The following RFX2 variants were observed in gnomAD, a reference collection of about 807,000 sequenced individuals.
RFX2 encodes the protein DNA-binding protein RFX2.
A neutral mutation model predicts 87.8 loss-of-function variants in RFX2; 20 were observed. The ratio of observed to expected loss-of-function variants is 0.23; its 90% CI spans 0.16 to 0.33. The LOEUF is 0.33. Among genes scored for constraint, RFX2 ranks in the 10% least tolerant of loss-of-function variants. RFX2 has a pLI of 1.00. For missense variants in RFX2, 767 were observed against 1,012.3 expected, an observed-to-expected ratio of 0.76 and a Z score of 3.29; for synonymous variants, 397 against 431.3, an observed-to-expected ratio of 0.92 and a Z score of 0.98.
intron 1 of RFX2, among the ~76,000 whole-genome samples, chr19:6,095,767 G>A (rs540622425): frequency 3.3e-5 from 5 of 152,266 alleles, no homozygotes; most frequent in South Asian, 4.1e-4. Context: ...GGAAACTACC[G>A]CCCACCACCC....
rs558560504 is a variant in RFX2 at position 6,071,210 on chromosome 19, G to A, written c.-8-23706C>T. 2.0e-5 allele frequency among the ~76,000 whole-genome samples: 3 copies of A among 152,222 alleles called. No homozygotes were observed. The East Asian group carries it at 5.8e-4, about 29-fold the overall frequency. On this transcript the variant is annotated intron_variant, in intron 1 of 17. Transcript: ENST00000303657. ...AAAAATGCATTTCTTGCTAAGTCATGCTCGAATTATGCAAGATTGCAAGGA... is the reference window on the plus strand; with the variant it reads ...AAAAATGCATTTCTTGCTAAGTCATACTCGAATTATGCAAGATTGCAAGGA...
At position 6,040,976 on chromosome 19, in the gene RFX2, C is replaced by T. The variant is rs371277525; in HGVS notation, c.261-735G>A. The stretch of plus-strand genomic sequence containing the variant: ...GCCACATGTACTCCACATGCAAGCA[C>T]ACACGCAAAAGCACGTGCATACAGA... On this transcript the variant is annotated intron_variant, in intron 4 of 17. Transcript: ENST00000303657. This position sits in a 1 kb window ranked among gnomAD's most constrained non-coding sequence, Gnocchi z 6.1. 1.6e-4 allele frequency among the ~76,000 whole-genome samples: 24 copies of T among 152,158 alleles called. No homozygotes were observed. Among genetic ancestry groups the T allele is most frequent in the African/African-American group, 5.8e-4 (24 of 41,418 alleles).
intron 15 of RFX2, among the ~76,000 whole-genome samples, chr19:6,000,363 T>C (rs933109185): frequency 6.6e-6 from 1 of 152,242 alleles, no homozygotes; most frequent in African/African-American, 2.4e-5. Context: ...TTTGTTTGCA[T>C]TGACAGCTGT....
intron 9 of RFX2, among the ~76,000 whole-genome samples, chr19:6,009,642 C>A (rs942283638): frequency 3.3e-5 from 5 of 152,000 alleles, no homozygotes; most frequent in Admixed American, 1.3e-4. Context: ...AGAGTAGTGG[C>A]GTGATCATGG....
At chr19:5,996,600 G>A (rs1000833690) in intron 16 of RFX2, among the ~76,000 whole-genome samples, 2 of 152,238 alleles carry the variant, frequency 1.3e-5, no homozygotes, top group African/African-American at 4.8e-5. Flanking sequence ...TTGGGGTGAC[G>A]GAATGTTCTG....
rs2086808589 is a variant in RFX2, at chr19:6,021,378, A to C, written c.597+4785T>G. ...GTCCGTTCTTGTCTGGCAGAGACCC[A>C]CAATAAATAAGTAAAATGAACCGAA... On this transcript the variant is annotated intron_variant, in intron 6 of 17. Transcript: ENST00000303657. This position sits in a 1 kb window ranked among gnomAD's most constrained non-coding sequence, Gnocchi z 5.7. Among the ~76,000 whole-genome samples the C allele has an allele frequency of 6.6e-6, 1 of 152,234 alleles. No homozygotes were observed. The highest frequency in any genetic ancestry group is 1.9e-4 in the East Asian group (1 of 5,202).
At chr19:6,037,032 C>G (rs893264464) in intron 5 of RFX2, among the ~76,000 whole-genome samples, 1 of 152,150 alleles carries the variant, frequency 6.6e-6, no homozygotes, top group Non-Finnish European at 1.5e-5. Flanking sequence ...CACCTGTAAT[C>G]CCAGCACTTT....
At chr19:6,033,295 G>A (rs142950236) in intron 5 of RFX2, among the ~76,000 whole-genome samples, 1 of 152,180 alleles carries the variant, frequency 6.6e-6, no homozygotes, top group East Asian at 1.9e-4. Context: ...TTTTGCATAC[G>A]GTGCCATGAA....
chr19:6,085,533 T>A (rs1319681986), intron 1 of RFX2, among the ~76,000 whole-genome samples: 1 of 152,236 alleles, frequency 6.6e-6, no homozygotes, highest in African/African-American at 2.4e-5. Context: ...TAGAAATGAT[T>A]TGGAAACATT....
intron 6 of RFX2, among the ~76,000 whole-genome samples, chr19:6,025,791 T>A (rs1331815151): frequency 2.7e-5 from 4 of 149,098 alleles, no homozygotes; most frequent in Non-Finnish European, 5.9e-5. Flanking sequence ...CTTCTTTTTT[T>A]TTTTTTTTTT....
chr19:6,004,206 T>C lies in RFX2; in HGVS notation c.1495A>G (p.Thr499Ala). ...MSDFPQQVIQ[T>A]KVGVVSAFAQ... ...AGGCCCCACCCCGGACGCACCTTGG[T>C]CTGGATGACCTGTTGTGGGAAGTCA... Residue 499 changes from threonine (T) to alanine (A), a missense_variant, in exon 13 of 18, where the codon ACC becomes GCC. Thr to Ala is a moderately conservative substitution (Grantham distance 58, BLOSUM62 0). Around this residue, in one of 2 missense-constraint regions of RFX2, gnomAD observed 621 missense variants for 873.0 expected, o/e 0.71. Transcript: ENST00000303657. This position sits in a 1 kb window ranked among gnomAD's most constrained non-coding sequence, Gnocchi z 4.8. 3 of 1,611,904 alleles carry C rather than the reference T, an allele frequency of 1.9e-6. No homozygotes were observed. The highest frequency in any genetic ancestry group is 2.5e-6 in the Non-Finnish European group (3 of 1,178,796).
intron 3 of RFX2, among the ~76,000 whole-genome samples, chr19:6,043,327 G>T (rs146047387): frequency 8.3e-4 from 127 of 152,304 alleles, no homozygotes; most frequent in Middle Eastern, 3.4e-3. Flanking sequence ...TCCTTCCTGT[G>T]ATCCTGCAAA....
At position 6,010,298 on chromosome 19, in the gene RFX2, G is replaced by A. The variant is rs1314359109; in HGVS notation, c.900-47C>T. On this transcript the variant is annotated intron_variant, in intron 8 of 17. Transcript: ENST00000303657. The surrounding 1 kb of genome is among the most constrained non-coding windows in gnomAD (Gnocchi z 5.0). ...CATCATGAGGCCCAGCAGCCCTGCT[G>A]CGGGTGGGCCCAAAGACTGGGGGGC... 2 of 1,314,850 alleles carry A rather than the reference G, an allele frequency of 1.5e-6. No homozygotes were observed. Among genetic ancestry groups the A allele is most frequent in the Admixed American group, 2.0e-5 (1 of 50,552 alleles). 81.4% of individuals were successfully genotyped at this position (1,314,850 alleles called of 1,614,324 possible).
Position 6,063,641 on chromosome 19 carries a change from C to A in RFX2, c.-8-16137G>T, listed in dbSNP as rs1003947558. Among the ~76,000 whole-genome samples, 5 of 152,194 alleles carry A rather than the reference C, an allele frequency of 3.3e-5. No individual in the cohort carries two copies. Among genetic ancestry groups the A allele is most frequent in the African/African-American group, 9.6e-5 (4 of 41,456 alleles). ...CAGCCAGCAGCTCCAAAGGGGATCC[C>A]AGGCAAGTGATGAGCAGTGGGGAAA... On this transcript the variant is annotated intron_variant, in intron 1 of 17. Transcript: ENST00000303657. The surrounding 1 kb of genome is among the most constrained non-coding windows in gnomAD (Gnocchi z 4.0).
intron 7 of RFX2, among the ~76,000 whole-genome samples, chr19:6,014,047 G>T (rs577616422): frequency 1.3e-5 from 2 of 152,188 alleles, no homozygotes; most frequent in South Asian, 4.2e-4. Flanking sequence ...TATTACGGGA[G>T]AATGATGATC....
rs548767564 is a variant in RFX2 at position 6,040,162 on chromosome 19, C to A, written c.340G>T (p.Gly114Cys). The change falls in exon 5 of 18, where the codon GGT becomes TGT. Residue 114 changes from glycine to cysteine, a missense_variant. Around this residue, in one of 2 missense-constraint regions of RFX2, gnomAD observed 621 missense variants for 873.0 expected, o/e 0.71. Transcript: ENST00000303657. This position sits in a 1 kb window ranked among gnomAD's most constrained non-coding sequence, Gnocchi z 6.1. ...STASYFEAPG[G>C]AQVTVAASSP... Reference sequence around the variant, plus strand: ...GAGGCTGCCACGGTCACCTGGGCACCGCCTGGGGCCTCGAAGTAAGAAGCC... The same window carrying A: ...GAGGCTGCCACGGTCACCTGGGCACAGCCTGGGGCCTCGAAGTAAGAAGCC... The A allele has an allele frequency of 6.2e-7, 1 of 1,600,742 alleles. No homozygotes were observed. The highest frequency in any genetic ancestry group is 1.1e-5 in the South Asian group (1 of 90,758).
rs766700053 is a variant in RFX2 at position 6,006,758 on chromosome 19, A to ATT, written c.1402+252_1402+253dup. On this transcript the variant is annotated intron_variant, in intron 12 of 17. Coordinates refer to ENST00000303657, the MANE Select transcript of RFX2 (RefSeq NM_000635.4). Reference sequence around the variant, plus strand: ...AGCAACCTTGCCTGGCCCCAGATAAATTTTTTTTTTTTTTTTTAGAGACAG... The same window carrying ATT: ...AGCAACCTTGCCTGGCCCCAGATAAATTTTTTTTTTTTTTTTTTTAGAGACAG... Among the ~76,000 whole-genome samples, 309 of 138,864 alleles carry ATT rather than the reference A, an allele frequency of 2.2e-3. 1 individual carries two copies. The highest frequency in any genetic ancestry group is 7.3e-3 in the African/African-American group (276 of 37,812). The allele number at this position is 138,864 out of a possible 152,430, so 91.1% of individuals were successfully genotyped here.
chr19:6,026,277 G>C lies in RFX2; in HGVS notation c.523-40C>G. On this transcript the variant is annotated intron_variant, in intron 5 of 17. Coordinates refer to ENST00000303657, the MANE Select transcript of RFX2 (RefSeq NM_000635.4). This position sits in a 1 kb window ranked among gnomAD's most constrained non-coding sequence, Gnocchi z 4.5. ...TGCAGAAACAAAACAAAACAAAATGGAAAAAAAAAAAAAGGAAATCAGATG... is the reference window on the plus strand; with the variant it reads ...TGCAGAAACAAAACAAAACAAAATGCAAAAAAAAAAAAAGGAAATCAGATG... 8.4e-7 allele frequency: 1 copy of C among 1,194,580 alleles called. No individual in the cohort carries two copies. The highest frequency in any genetic ancestry group is 1.2e-6 in the Non-Finnish European group (1 of 858,176). The allele number at this position is 1,194,580 out of a possible 1,614,324, so 74.0% of individuals were successfully genotyped here. A position where few individuals can be genotyped will look rare whatever the true frequency, so the allele number is the denominator to read the frequency against.
intron 12 of RFX2, among the ~76,000 whole-genome samples, chr19:6,006,528 C>A (rs572769249): frequency 6.7e-6 from 1 of 148,446 alleles, no homozygotes; most frequent in Non-Finnish European, 1.5e-5. Flanking sequence ...CGGCTCACTG[C>A]AACCTCTTCC....
Sources: gnomAD v4.1 joint callset for allele counts (sites outside exome capture counted in the v4.1 genomes callset) on GRCh38, gnomAD v4.1.1 for gene constraint, gnomAD v4.1.1 regional missense constraint, Gnocchi (gnomAD v3.1) non-coding constraint, MANE v1.5 for transcripts, NCBI Gene and HGNC (gene_info 2026-07-23, HGNC 2026-07-21) for gene names.